ARHGAP44: variants seen among roughly 807,000 people sequenced by gnomAD.
ARHGAP44 encodes rho GTPase-activating protein 44.
Under a neutral mutation model 106.8 loss-of-function variants are expected in ARHGAP44, and 43 were observed. The observed-to-expected ratio is 0.40, with a 90% CI of 0.32 to 0.52. The LOEUF (loss-of-function observed/expected upper bound fraction) is 0.52, where lower values mean the gene tolerates loss of function less well. Among genes scored for constraint, ARHGAP44 ranks in the 20% least tolerant of loss-of-function variants. ARHGAP44 has a pLI of 0.48. For synonymous variants in ARHGAP44, 439 were observed against 410.3 expected (o/e 1.07, Z -0.85); for missense variants, 866 against 1,050.5 (o/e 0.82, Z 2.43).
chr17:12,821,604 A>G (rs2034772582), intron 1 of ARHGAP44, among the ~76,000 whole-genome samples: 1 of 152,342 alleles, frequency 6.6e-6, no homozygotes, highest in Non-Finnish European at 1.5e-5. Flanking sequence ...CTAGAGAGCC[A>G]TTGCAGTGCC....
chr17:12,885,525 G>A (rs1597997118), intron 1 of ARHGAP44, among the ~76,000 whole-genome samples: 1 of 151,546 alleles, frequency 6.6e-6, no homozygotes, highest in South Asian at 2.1e-4. Context: ...AGAACTTGAT[G>A]TGTGTGTGAG....
intron 3 of ARHGAP44, among the ~76,000 whole-genome samples, chr17:12,902,545 A>T (rs138839922): frequency 2.6e-5 from 4 of 152,308 alleles, no homozygotes; most frequent in African/African-American, 9.6e-5. Flanking sequence ...CCGTGCCTAA[A>T]AAAGAGCCTG....
At chr17:12,902,999 T>C (rs1195566059) in intron 3 of ARHGAP44, among the ~76,000 whole-genome samples, 1 of 150,202 alleles carries the variant, frequency 6.7e-6, no homozygotes, top group Admixed American at 6.7e-5. Context: ...GTGTGTCTGT[T>C]TGGGGCTGAA....
chr17:12,863,354 A>C (rs2036145977), intron 1 of ARHGAP44, among the ~76,000 whole-genome samples: 1 of 152,120 alleles, frequency 6.6e-6, no homozygotes, highest in South Asian at 2.1e-4. Context: ...GACCTAGTTT[A>C]GTGAATTCAT....
intron 6 of ARHGAP44, among the ~76,000 whole-genome samples, chr17:12,921,529 T>A (rs1322469071): frequency 6.6e-6 from 1 of 152,140 alleles, no homozygotes; most frequent in Non-Finnish European, 1.5e-5. Context: ...TTATTTTTAG[T>A]AGAGACAGGG....
rs370127768 is a variant in ARHGAP44 at position 12,860,229 on chromosome 17, TC to T, written c.54-34709del. ...AAATATAATTAATACATTGACATTA[TC>T]CAGCTGTTCAGTTTTATATAGCTAT... On this transcript the variant is annotated intron_variant, in intron 1 of 20. Transcript: ENST00000379672. 2.2e-4 allele frequency among the ~76,000 whole-genome samples: 33 copies of T among 152,344 alleles called. No homozygotes were observed. In the East Asian group the frequency reaches 2.7e-3, roughly 12 times the overall value.
intron 1 of ARHGAP44, among the ~76,000 whole-genome samples, chr17:12,835,390 T>C (rs76058104): frequency 0.015 from 2,238 of 152,174 alleles, 28 homozygotes; most frequent in Non-Finnish European, 0.025. Flanking sequence ...TTCTGGGCAT[T>C]GATAAAAGGC....
intron 1 of ARHGAP44, among the ~76,000 whole-genome samples, chr17:12,855,316 G>T (rs2035875973): frequency 6.6e-6 from 1 of 152,150 alleles, no homozygotes; most frequent in African/African-American, 2.4e-5. Context: ...GTCCTTTGTT[G>T]TGTAAGTTGC....
chr17:12,933,343 A>T (rs976112941), intron 7 of ARHGAP44, among the ~76,000 whole-genome samples: 2 of 152,134 alleles, frequency 1.3e-5, no homozygotes, highest in African/African-American at 4.8e-5. Context: ...GACCAAGCAG[A>T]GCTCCCCAGA....
At chr17:12,822,383 ATAGTTTGC>A (rs1386519629) in intron 1 of ARHGAP44, among the ~76,000 whole-genome samples, 5 of 152,154 alleles carry the variant, frequency 3.3e-5, no homozygotes, top group Non-Finnish European at 7.4e-5. Flanking sequence ...TGTGTAGGTT[ATAGTTTGC>A]TGCCCCCTGC....
At chr17:12,796,995 G>A (rs932386157) in intron 1 of ARHGAP44, among the ~76,000 whole-genome samples, 1 of 152,038 alleles carries the variant, frequency 6.6e-6, no homozygotes, top group Non-Finnish European at 1.5e-5. Context: ...CTAAAGTCAT[G>A]TTCACAATTG....
chr17:12,975,097 G>A (rs963645156), intron 18 of ARHGAP44, among the ~76,000 whole-genome samples: 5 of 151,990 alleles, frequency 3.3e-5, no homozygotes, highest in African/African-American at 9.7e-5. Flanking sequence ...TGATCCACCC[G>A]CCTCGGCCTC....
rs1371026030 is a variant in ARHGAP44 at position 12,861,712 on chromosome 17, G to T, written c.54-33228G>T. ...TGCAGTGGCGCAATCTCGGCTCACT[G>T]CAACCTCCGCCTCCTGGGTTCAAGC... On this transcript the variant is annotated intron_variant, in intron 1 of 20. Coordinates refer to ENST00000379672, the MANE Select transcript of ARHGAP44 (RefSeq NM_014859.6). Among the ~76,000 whole-genome samples the T allele has an allele frequency of 1.2e-4, 16 of 137,362 alleles. No homozygotes were observed. In the Admixed American group the frequency reaches 1.3e-3, roughly 11 times the overall value. The allele number at this position is 137,362 out of a possible 152,430, so 90.1% of individuals were successfully genotyped here.
At chr17:12,869,434 AAT>A (rs200517614) in intron 1 of ARHGAP44, among the ~76,000 whole-genome samples, 3 of 25,768 alleles carry the variant, frequency 1.2e-4, no homozygotes, top group African/African-American at 4.0e-4. Context: ...GTCATTTTTA[AAT>A]TTTTTTTTTA....
chr17:12,912,300 T>C (rs1321121411), intron 4 of ARHGAP44, among the ~76,000 whole-genome samples: 1 of 120,150 alleles, frequency 8.3e-6, no homozygotes, highest in Admixed American at 9.1e-5. Context: ...GAAAATATGA[T>C]AGAAGATATG....
At chr17:12,980,628 A>G (rs1162807582) in intron 19 of ARHGAP44, among the ~76,000 whole-genome samples, 1 of 152,182 alleles carries the variant, frequency 6.6e-6, no homozygotes, top group Non-Finnish European at 1.5e-5. Context: ...CTACCCCTAG[A>G]TCACTCGTAC....
intron 1 of ARHGAP44, among the ~76,000 whole-genome samples, chr17:12,875,944 C>CA (rs80241135): frequency 0.28 from 30,827 of 108,972 alleles, 3,437 homozygotes; most frequent in Non-Finnish European, 0.4. Flanking sequence ...GACTTCGTCT[C>CA]AAAAAAAAAA....
intron 1 of ARHGAP44, among the ~76,000 whole-genome samples, chr17:12,794,163 T>C (rs1186794920): frequency 2.6e-5 from 4 of 152,096 alleles, no homozygotes; most frequent in Non-Finnish European, 5.9e-5. Flanking sequence ...AGGCATAGAG[T>C]ATTTTTCTTG....
intron 4 of ARHGAP44, among the ~76,000 whole-genome samples, chr17:12,909,711 A>G (rs2037667946): frequency 6.6e-6 from 1 of 152,206 alleles, no homozygotes; most frequent in Admixed American, 6.5e-5. Flanking sequence ...GATAGAATGC[A>G]AAAGCTTAAC....
Sources: gnomAD v4.1 joint callset for allele counts (sites outside exome capture counted in the v4.1 genomes callset) on GRCh38, gnomAD v4.1.1 for gene constraint, MANE v1.5 for transcripts, NCBI Gene and HGNC (gene_info 2026-07-23, HGNC 2026-07-21) for gene names.